Variants in PRUNE2 observed in about 807,000 individuals in gnomAD.
PRUNE2 encodes protein prune homolog 2.
In PRUNE2, 164 loss-of-function variants were observed where a neutral mutation model predicts 252.0. That is an observed-to-expected ratio of 0.65 (90% CI 0.57 to 0.74). The LOEUF is 0.74. Ranked by LOEUF, PRUNE2 falls within the 30% of genes least tolerant of loss-of-function variation. The pLI is 0.00. For synonymous variants in PRUNE2, 1,292 were observed against 1,350.2 expected (o/e 0.96, Z 0.94); for missense variants, 3,495 against 3,711.0 (o/e 0.94, Z 1.51).
At chr9:76,676,213 C>T (rs529105366) in intron 9 of PRUNE2, among the ~76,000 whole-genome samples, 35 of 148,724 alleles carry the variant, frequency 2.4e-4, no homozygotes, top group African/African-American at 8.2e-4. Flanking sequence ...GAATATGGCC[C>T]GATATGAATT....
At chr9:76,828,125 C>T (rs2058453147) in intron 4 of PRUNE2, among the ~76,000 whole-genome samples, 1 of 152,166 alleles carries the variant, frequency 6.6e-6, no homozygotes, top group Non-Finnish European at 1.5e-5. Context: ...ATACATAGTA[C>T]TCTGAATCTA....
chr9:76,745,826 C>G (rs1166652880), intron 6 of PRUNE2, among the ~76,000 whole-genome samples: 3 of 152,164 alleles, frequency 2.0e-5, no homozygotes, highest in Admixed American at 6.5e-5. Context: ...TTCTGTCTGC[C>G]CAGGACCTTT....
At chr9:76,641,384 G>A (rs1256526455) in intron 12 of PRUNE2, among the ~76,000 whole-genome samples, 1 of 152,106 alleles carries the variant, frequency 6.6e-6, no homozygotes, top group Non-Finnish European at 1.5e-5. Context: ...CAGTGCCGTT[G>A]GCAGGCTTGG....
intron 4 of PRUNE2, among the ~76,000 whole-genome samples, chr9:76,839,305 C>G (rs1001595765): frequency 6.6e-6 from 1 of 152,072 alleles, no homozygotes; most frequent in Non-Finnish European, 1.5e-5. Context: ...AAGCAGTGCA[C>G]ACAACACAGA....
chr9:76,855,082 A>AAAAAAAAAAATATATATATATATAT (rs1490285240), intron 1 of PRUNE2, among the ~76,000 whole-genome samples: 3 of 109,432 alleles, frequency 2.7e-5, no homozygotes, highest in African/African-American at 1.2e-4. Flanking sequence ...AAAAAAAAAA[A>AAAAAAAAAAATATATATATATATAT]ATATATATAT....
At chr9:76,617,997 C>T (rs944755364) in intron 18 of PRUNE2, among the ~76,000 whole-genome samples, 2 of 152,206 alleles carry the variant, frequency 1.3e-5, no homozygotes, top group African/African-American at 4.8e-5. Flanking sequence ...TGCAGAATTT[C>T]ATGTGCCAAT....
intron 6 of PRUNE2, among the ~76,000 whole-genome samples, chr9:76,728,049 A>G (rs923386455): frequency 3.3e-5 from 5 of 152,066 alleles, no homozygotes; most frequent in African/African-American, 9.7e-5. Flanking sequence ...GCCAAATCTT[A>G]TATTTAGGAT....
intron 4 of PRUNE2, among the ~76,000 whole-genome samples, chr9:76,839,376 C>T (rs1224669632): frequency 1.3e-5 from 2 of 151,970 alleles, no homozygotes; most frequent in African/African-American, 4.8e-5. Flanking sequence ...AGAGGAGGCT[C>T]CTGATAGGCA....
In PRUNE2 at chr9:76,614,542, A is replaced by C; in HGVS notation, c.*28T>G. The C allele has an allele frequency of 6.3e-7, 1 of 1,597,318 alleles. No individual in the cohort carries two copies. The highest frequency in any genetic ancestry group is 8.6e-7 in the Non-Finnish European group (1 of 1,164,946). ...GTTTCAACAGAACCATGAACCAGAA[A>C]AGCATCCTCTTCTTCCAGCATGGCC... On this transcript the variant is annotated 3_prime_UTR_variant, in exon 19 of 19. Transcript: ENST00000376718.
intron 16 of PRUNE2, among the ~76,000 whole-genome samples, chr9:76,625,391 G>A (rs571281301): frequency 6.6e-6 from 1 of 152,342 alleles, no homozygotes; most frequent in African/African-American, 2.4e-5. Context: ...CCTAGGTGGT[G>A]TAGTGGTCTC....
chr9:76,872,777 G>A (rs1487594956), intron 1 of PRUNE2, among the ~76,000 whole-genome samples: 1 of 152,142 alleles, frequency 6.6e-6, no homozygotes, highest in Non-Finnish European at 1.5e-5. Context: ...AGGAACGGAT[G>A]AAACAAGATT....
intron 6 of PRUNE2, among the ~76,000 whole-genome samples, chr9:76,731,949 A>ACC (rs1304212180): frequency 6.6e-6 from 1 of 151,984 alleles, no homozygotes; most frequent in Admixed American, 6.6e-5. Flanking sequence ...TTACTCAGAC[A>ACC]CCCCCGCTGC....
chr9:76,771,168 T>C (rs1041646916), intron 6 of PRUNE2, among the ~76,000 whole-genome samples: 1 of 152,166 alleles, frequency 6.6e-6, no homozygotes, highest in Non-Finnish European at 1.5e-5. Flanking sequence ...GATTTAAATA[T>C]CATATAAATT....
chr9:76,886,045 G>C (rs931266547), intron 1 of PRUNE2, among the ~76,000 whole-genome samples: 6 of 151,938 alleles, frequency 3.9e-5, no homozygotes, highest in African/African-American at 1.4e-4. Flanking sequence ...AATTAGCTGG[G>C]CATGGTGGCA....
At chr9:76,720,249 T>C (rs2047518497) in intron 6 of PRUNE2, among the ~76,000 whole-genome samples, 1 of 152,028 alleles carries the variant, frequency 6.6e-6, no homozygotes, top group South Asian at 2.1e-4. Flanking sequence ...AAATAATACG[T>C]ATTGAATTCT....
chr9:76,772,513 A>G (rs2053225388), intron 6 of PRUNE2, among the ~76,000 whole-genome samples: 1 of 152,108 alleles, frequency 6.6e-6, no homozygotes, highest in African/African-American at 2.4e-5. Context: ...AGTTTTGCAA[A>G]AGTCTCCTCC....
intron 6 of PRUNE2, among the ~76,000 whole-genome samples, chr9:76,783,194 T>C (rs2054610982): frequency 6.6e-6 from 1 of 152,230 alleles, no homozygotes; most frequent in South Asian, 2.1e-4. Flanking sequence ...TCGAGTGCAA[T>C]GGCACAATTA....
At chr9:76,663,863 T>C (rs11145000) in intron 9 of PRUNE2, among the ~76,000 whole-genome samples, 31,607 of 152,110 alleles carry the variant, frequency 0.21, 3,345 homozygotes, top group East Asian at 0.27. Context: ...GTGGAGAAGA[T>C]TAAATTAGAT....
intron 12 of PRUNE2, chr9:76,641,890 TACACAC>T: frequency 6.9e-7 from 1 of 1,450,550 alleles, no homozygotes; most frequent in South Asian, 1.4e-5. Flanking sequence ...AACCAAAACA[TACACAC>T]ACACACACCA....
Sources: gnomAD v4.1 joint callset for allele counts (sites outside exome capture counted in the v4.1 genomes callset) on GRCh38, gnomAD v4.1.1 for gene constraint, MANE v1.5 for transcripts, NCBI Gene and HGNC (gene_info 2026-07-23, HGNC 2026-07-21) for gene names.